The following TCF7L2 variants were observed in gnomAD, a reference collection of about 807,000 sequenced individuals.
TCF7L2 encodes transcription factor 7 like 2.
A neutral mutation model predicts 77.9 loss-of-function variants in TCF7L2; 23 were observed. That is an observed-to-expected ratio of 0.30 (90% CI 0.21 to 0.42). TCF7L2 has a LOEUF of 0.42. TCF7L2 is among the 10% of genes least tolerant of loss of function. TCF7L2 has a pLI of 1.00. For missense variants in TCF7L2, 654 were observed against 793.1 expected (o/e 0.82, Z 2.11); for synonymous variants, 413 against 340.2 (o/e 1.21, Z -2.36).
intron 5 of TCF7L2, among the ~76,000 whole-genome samples, chr10:113,123,805 G>A (rs536712719): frequency 3.9e-5 from 6 of 152,290 alleles, no homozygotes; most frequent in South Asian, 2.1e-4. Context: ...CTTGACGTGC[G>A]TGTGAACAAA....
chr10:112,951,111 C>G, intron 1 of TCF7L2, 96 bp from the exon 2 acceptor site: 2 of 605,314 alleles, frequency 3.3e-6, no homozygotes, highest in Non-Finnish European at 4.9e-6. Context: ...TTTTTTTCTA[C>G]CCCCCCCTCG....
rs764008187 is a variant in TCF7L2, at chr10:113,152,428, G to A, written c.1257G>A (p.Ala419=). 23 of 1,613,738 alleles carry A rather than the reference G, an allele frequency of 1.4e-5. No homozygotes were observed. The highest frequency in any genetic ancestry group is 7.7e-5 in the South Asian group (7 of 91,062). Residue 419 remains alanine, a synonymous_variant, in exon 11 of 14, where the codon GCG becomes GCA. Coordinates refer to ENST00000627217, the MANE Select transcript of TCF7L2 (RefSeq NM_001146274.2). The stretch of plus-strand genomic sequence containing the variant: ...TGCAACTGTACCCCGGCTGGTCCGC[G>A]CGGGATAACTATGTAGGTGGATCAT...
intron 5 of TCF7L2, among the ~76,000 whole-genome samples, chr10:113,137,880 A>G (rs996948046): frequency 1.6e-4 from 24 of 152,330 alleles, no homozygotes; most frequent in African/African-American, 5.3e-4. Flanking sequence ...GTATAGTGGG[A>G]CCAAGAAGGG....
chr10:113,067,704 C>T (rs1178487303), intron 5 of TCF7L2, among the ~76,000 whole-genome samples: 1 of 152,034 alleles, frequency 6.6e-6, no homozygotes, highest in Admixed American at 6.6e-5. Context: ...GTCCTTAGCC[C>T]AGTTAGAAAC....
chr10:113,029,141 G>C (rs1338980827), intron 4 of TCF7L2, among the ~76,000 whole-genome samples: 1 of 152,180 alleles, frequency 6.6e-6, no homozygotes, highest in Non-Finnish European at 1.5e-5. Context: ...TTTAGGTAGA[G>C]AAACTGAGGT....
rs778924898 is a variant in TCF7L2, at chr10:113,165,548, T to C, written c.1392-7T>C. 16 of 1,613,506 alleles carry C rather than the reference T, an allele frequency of 9.9e-6. No homozygotes were observed. In the South Asian group the frequency reaches 1.8e-4, roughly 18 times the overall value. On this transcript the variant is annotated splice_polypyrimidine_tract_variant and splice_region_variant and intron_variant, in intron 13 of 13. Coordinates refer to ENST00000627217, the MANE Select transcript of TCF7L2 (RefSeq NM_001146274.2). ...TATTCACAGATAACTCTCTCCCCTG[T>C]TTCTAGGAGAAAAAAAAAGTGCGTT...
chr10:113,133,057 G>T (rs1471856949), intron 5 of TCF7L2: 1 of 152,132 alleles, frequency 6.6e-6, no homozygotes, highest in Non-Finnish European at 1.5e-5. Flanking sequence ...GGCTGGGGGA[G>T]GCACAATGGG....
intron 4 of TCF7L2, among the ~76,000 whole-genome samples, chr10:113,012,911 C>T (rs543448190): frequency 5.3e-4 from 80 of 152,244 alleles, no homozygotes; most frequent in African/African-American, 1.8e-3. Flanking sequence ...CCCACACATC[C>T]GGCTTCCTTC....
intron 13 of TCF7L2, chr10:113,161,696 T>C: frequency 7.3e-7 from 1 of 1,373,742 alleles, no homozygotes; most frequent in Non-Finnish European, 1.0e-6. Flanking sequence ...ATGTGCTCCG[T>C]GTTTAGACGT....
intron 5 of TCF7L2, among the ~76,000 whole-genome samples, chr10:113,091,026 C>T (rs1156237420): frequency 2.0e-5 from 3 of 152,090 alleles, no homozygotes; most frequent in African/African-American, 4.8e-5. Context: ...CTCAGCCTCC[C>T]GAGTAGCTGG....
chr10:113,064,732 G>A (rs1401667455), intron 5 of TCF7L2, among the ~76,000 whole-genome samples: 3 of 152,192 alleles, frequency 2.0e-5, no homozygotes, highest in Non-Finnish European at 4.4e-5. Flanking sequence ...AAACTACCAC[G>A]GATGCTTCAG....
chr10:113,165,732 C>G lies in TCF7L2; in HGVS notation c.1569C>G (p.Pro523=), dbSNP rs76249005. The change falls in exon 14 of 14, where the codon CCC becomes CCG. Residue 523 remains proline (P), a synonymous_variant. Transcript: ENST00000627217. ...AGCCTCTGTCGCTGTCCCTGAAGCC[C>G]GACCCCCTGGCCCACCTGTCCATGA... 2.2e-5 allele frequency: 35 copies of G among 1,612,784 alleles called. No individual in the cohort carries two copies. The highest frequency in any genetic ancestry group is 2.0e-5 in the Non-Finnish European group (24 of 1,179,532).
At chr10:113,131,640 A>G (rs1479937997) in intron 5 of TCF7L2, among the ~76,000 whole-genome samples, 1 of 152,194 alleles carries the variant, frequency 6.6e-6, no homozygotes, top group Non-Finnish European at 1.5e-5. Context: ...CTCCAGTGAT[A>G]CAGGTATTAT....
chr10:113,025,218 A>ATTTTT (rs35779425), intron 4 of TCF7L2, among the ~76,000 whole-genome samples: 1 of 98,978 alleles, frequency 1.0e-5, no homozygotes, highest in South Asian at 3.4e-4. Flanking sequence ...CTGTGACTGG[A>ATTTTT]TTTTTTTTTT....
At chr10:113,110,433 A>G (rs1331313234) in intron 5 of TCF7L2, among the ~76,000 whole-genome samples, 1 of 144,030 alleles carries the variant, frequency 6.9e-6, no homozygotes, top group Non-Finnish European at 1.5e-5. Flanking sequence ...CAGTGTTTTC[A>G]CATGTAAATA....
At chr10:112,953,661 C>T (rs1235456252) in intron 3 of TCF7L2, among the ~76,000 whole-genome samples, 1 of 152,188 alleles carries the variant, frequency 6.6e-6, no homozygotes, top group Non-Finnish European at 1.5e-5. Context: ...ATCTTGCCAT[C>T]CCTTCTCAAA....
At chr10:113,015,118 G>A (rs1298621883) in intron 4 of TCF7L2, among the ~76,000 whole-genome samples, 1 of 152,252 alleles carries the variant, frequency 6.6e-6, no homozygotes, top group East Asian at 1.9e-4. Flanking sequence ...CCTATGAGGT[G>A]GAGGTTGCAG....
At chr10:113,115,783 T>TACCGACCATCCCGTCCACAACC (rs2063655049) in intron 5 of TCF7L2, among the ~76,000 whole-genome samples, 1 of 152,124 alleles carries the variant, frequency 6.6e-6, no homozygotes, top group Non-Finnish European at 1.5e-5. Flanking sequence ...AAACCACAAC[T>TACCGACCATCCCGTCCACAACC]ACCGACCATC....
At chr10:113,127,257 T>C (rs2136420157) in intron 5 of TCF7L2, among the ~76,000 whole-genome samples, 1 of 130,524 alleles carries the variant, frequency 7.7e-6, no homozygotes, top group South Asian at 2.3e-4. Context: ...TTTTTTTTTT[T>C]CTGTCCACCA....
Sources: gnomAD v4.1 joint callset for allele counts (sites outside exome capture counted in the v4.1 genomes callset) on GRCh38, gnomAD v4.1.1 for gene constraint, MANE v1.5 for transcripts, NCBI Gene and HGNC (gene_info 2026-07-23, HGNC 2026-07-21) for gene names.